Variants in PRICKLE4 observed in about 807,000 individuals in gnomAD.
PRICKLE4 encodes the protein prickle-like protein 4.
Under a neutral mutation model 43.5 loss-of-function variants are expected in PRICKLE4, and 40 were observed. The observed-to-expected ratio is 0.92, with a 90% CI of 0.71 to 1.20. PRICKLE4 has a LOEUF of 1.20. Among genes scored for constraint, PRICKLE4 ranks in the 50% most tolerant of loss-of-function variants. The pLI is 0.00. For synonymous variants in PRICKLE4, 208 were observed against 197.4 expected, an observed-to-expected ratio of 1.05 and a Z score of -0.45; for missense variants, 527 against 491.2, an observed-to-expected ratio of 1.07 and a Z score of -0.69.
At chr6:41,781,170 C>G (rs1020550509) in intron 1 of PRICKLE4, 180 bp from the exon 2 acceptor site, 2 of 152,622 alleles carry the variant, frequency 1.3e-5, no homozygotes, top group African/African-American at 4.8e-5. Context: ...AGCTCTGTCC[C>G]TTATCTGAGG....
At chr6:41,784,781 TTTTCCA>T in intron 4 of PRICKLE4, 148 bp from the exon 5 acceptor site, 3 of 1,022,730 alleles carry the variant, frequency 2.9e-6, no homozygotes, top group Non-Finnish European at 4.3e-6. Flanking sequence ...GCTCCTTTCC[TTTTCCA>T]TTTCCTCTTC....
chr6:41,781,840 C>A (rs1324303412), intron 2 of PRICKLE4, among the ~76,000 whole-genome samples: 2 of 152,160 alleles, frequency 1.3e-5, no homozygotes, highest in Non-Finnish European at 2.9e-5. Context: ...AAAGAGATTA[C>A]CTCATAAGAT....
At chr6:41,784,573 G>A (rs2127306398) in intron 4 of PRICKLE4, among the ~76,000 whole-genome samples, 1 of 152,306 alleles carries the variant, frequency 6.6e-6, no homozygotes, top group East Asian at 1.9e-4. Flanking sequence ...CAGCCTAAAG[G>A]CTTACAATTC....
At chr6:41,786,558 C>T (rs1248053179) in intron 7 of PRICKLE4, 3 of 1,054,478 alleles carry the variant, frequency 2.8e-6, no homozygotes, top group Non-Finnish European at 2.8e-6. Flanking sequence ...GTCGGGGTTG[C>T]GGCGCCAGAC....
intron 2 of PRICKLE4, among the ~76,000 whole-genome samples, chr6:41,783,069 G>A (rs1049844098): frequency 2.0e-5 from 3 of 152,202 alleles, no homozygotes; most frequent in East Asian, 3.9e-4. Flanking sequence ...GGGGCTGTGG[G>A]TGCATGGTGA....
In PRICKLE4 at chr6:41,786,048, G is replaced by A. The variant is rs1581979330; in HGVS notation, c.583-80G>A. 9.7e-6 allele frequency: 14 copies of A among 1,448,412 alleles called. No individual in the cohort carries two copies. In the East Asian group the frequency reaches 2.3e-4, roughly 24 times the overall value. The allele number at this position is 1,448,412 out of a possible 1,614,324, so 89.7% of individuals were successfully genotyped here. ...GTGCAGACGTGCTTTAGCGTTAACTGGGTAAAAGGCGTGGTTACTGGATGA... is the reference window on the plus strand; with the variant it reads ...GTGCAGACGTGCTTTAGCGTTAACTAGGTAAAAGGCGTGGTTACTGGATGA... On this transcript the variant is annotated intron_variant, in intron 6 of 7. Transcript: ENST00000458694.
Position 41,787,297 on chromosome 6 carries a change from T to C in PRICKLE4, c.*168T>C, listed in dbSNP as rs1772682406. 2 of 998,222 alleles carry C rather than the reference T, an allele frequency of 2.0e-6. No homozygotes were observed. The highest frequency in any genetic ancestry group is 6.1e-5 in the Admixed American group (2 of 32,952). 61.8% of individuals were successfully genotyped at this position (998,222 alleles called of 1,614,324 possible). On this transcript the variant is annotated 3_prime_UTR_variant, in exon 8 of 8. Transcript: ENST00000458694. ...GTGCGCCCCCTTCAGTACTGCGCGT[T>C]CTAAGACTTTTGGCGGAGACTTTCT...
chr6:41,785,380 C>A lies in PRICKLE4; in HGVS notation c.422C>A (p.Ala141Asp). 6.2e-7 allele frequency: 1 copy of A among 1,614,132 alleles called. No individual in the cohort carries two copies. Among genetic ancestry groups the A allele is most frequent in the African/African-American group, 1.3e-5 (1 of 75,066 alleles). ...CCAGGGGAGTACGGAGTGTTTGCAGCCCGGGCAGGGGAACAGCGCTGCTGG... is the reference window on the plus strand; with the variant it reads ...CCAGGGGAGTACGGAGTGTTTGCAGACCGGGCAGGGGAACAGCGCTGCTGG... ...LKPGEYGVFA[A>D]RAGEQRCWHQ... is the part of the protein sequence containing the mutation. Residue 141 changes from alanine to aspartate, a missense_variant, in exon 6 of 8, where the codon GCC (alanine) becomes GAC (aspartate). Ala to Asp is a moderately radical substitution (Grantham distance 126). Coordinates refer to ENST00000458694, the MANE Select transcript of PRICKLE4 (RefSeq NM_013397.6).
chr6:41,785,275 C>T, intron 5 of PRICKLE4, 62 bp from the exon 6 acceptor site: 1 of 1,565,728 alleles, frequency 6.4e-7, no homozygotes. Flanking sequence ...ATTGCAAGAG[C>T]AAGGAGGGAA....
chr6:41,784,726 T>G, intron 4 of PRICKLE4: 2 of 612,934 alleles, frequency 3.3e-6, no homozygotes, highest in Non-Finnish European at 5.6e-6. Flanking sequence ...ACCTGATTGA[T>G]GACATTCCTA....
rs764355214 is a variant in PRICKLE4 at position 41,786,304 on chromosome 6, C to T, written c.759C>T (p.Ala253=). 1.3e-6 allele frequency: 2 copies of T among 1,575,262 alleles called. No homozygotes were observed. The highest frequency in any genetic ancestry group is 2.3e-5 in the East Asian group (1 of 44,130). ...ACTCGGATGCAGGCTCGAGCTGGGC[C>T]GGGGCACTGGAAGGGCAGGCATTCC... ...NRYSDAGSSW[A]GALEGQAFLG... Residue 253 remains alanine (A), a synonymous_variant, in exon 7 of 8, where the codon GCC becomes GCT. Transcript: ENST00000458694.
chr6:41,782,452 C>G (rs543556387), intron 2 of PRICKLE4, among the ~76,000 whole-genome samples: 2 of 136,846 alleles, frequency 1.5e-5, no homozygotes, highest in Non-Finnish European at 3.1e-5. Flanking sequence ...TGCAGTGGCG[C>G]GATCTTGGCT....
At chr6:41,783,651 C>T (rs1384166668) in intron 3 of PRICKLE4, 46 bp downstream of exon 3, 3 of 1,613,898 alleles carry the variant, frequency 1.9e-6, no homozygotes, top group Non-Finnish European at 2.5e-6. Context: ...GTCCTCTATC[C>T]TGTGGAGTGG....
Position 41,785,076 on chromosome 6 carries a change from T to G in PRICKLE4, c.378+4T>G, listed in dbSNP as rs750454440. On this transcript the variant is annotated splice_donor_region_variant and intron_variant, in intron 5 of 7. Transcript: ENST00000458694. Reference sequence around the variant, plus strand: ...TGAAGGACACACCTGTGAGAAGGTATGTAGCACCCCTCCCCCCAAATTCCC... The same window carrying G: ...TGAAGGACACACCTGTGAGAAGGTAGGTAGCACCCCTCCCCCCAAATTCCC... 19 of 1,613,396 alleles carry G rather than the reference T, an allele frequency of 1.2e-5. No homozygotes were observed. In the African/African-American group the frequency reaches 2.1e-4, roughly 18 times the overall value.
Position 41,783,546 on chromosome 6 carries a change from A to G in PRICKLE4, c.73A>G (p.Asn25Asp). 6.2e-7 allele frequency: 1 copy of G among 1,612,566 alleles called. No homozygotes were observed. The highest frequency in any genetic ancestry group is 8.5e-7 in the Non-Finnish European group (1 of 1,179,166). Residue 25 changes from asparagine (N) to aspartate (D), a missense_variant, in exon 3 of 8, where the codon AAC (asparagine) becomes GAC (aspartate). By Grantham distance (23) the Asn-to-Asp change is conservative (BLOSUM62 1). Coordinates refer to ENST00000458694, the MANE Select transcript of PRICKLE4 (RefSeq NM_013397.6). ...PKPQDPGPPA[N>D]SDSDSGHLPG... ...GCCCCAGGATCCAGGTCCACCAGCC[A>G]ACTCAGACAGTGACTCAGGCCACCT...
chr6:41,783,535 G>A lies in PRICKLE4; in HGVS notation c.62G>A (p.Gly21Asp). ...QEDSPKPQDP[G>D]PPANSDSDSG... Reference sequence around the variant, plus strand: ...GACAGCCCCAAGCCCCAGGATCCAGGTCCACCAGCCAACTCAGACAGTGAC... The same window carrying A: ...GACAGCCCCAAGCCCCAGGATCCAGATCCACCAGCCAACTCAGACAGTGAC... Residue 21 changes from glycine (G) to aspartate (D), a missense_variant, in exon 3 of 8, where the codon GGT (glycine) becomes GAT (aspartate). Physicochemically the swap from Gly to Asp is moderately conservative, Grantham distance 94. Transcript: ENST00000458694. The A allele has an allele frequency of 6.2e-7, 1 of 1,609,364 alleles. No homozygotes were observed. Among genetic ancestry groups the A allele is most frequent in the Non-Finnish European group, 8.5e-7 (1 of 1,176,012 alleles).
rs565821007 is a variant in PRICKLE4 at position 41,783,682 on chromosome 6, G to A, written c.132+77G>A. ...AGTGGCCACCCTTTTCCACCAACCC[G>A]GAGGTAGTTTGACTTCGTGCCTAAT... On this transcript the variant is annotated intron_variant, in intron 3 of 7. Coordinates refer to ENST00000458694, the MANE Select transcript of PRICKLE4 (RefSeq NM_013397.6). The A allele has an allele frequency of 5.9e-5, 94 of 1,606,222 alleles. No individual in the cohort carries two copies. The South Asian group carries it at 7.5e-4, about 13-fold the overall frequency.
intron 6 of PRICKLE4, 24 bp from the exon 7 acceptor site, chr6:41,786,104 C>G (rs1561896634): frequency 6.2e-7 from 1 of 1,600,180 alleles, no homozygotes; most frequent in East Asian, 2.2e-5. Context: ...ATGAAACGTT[C>G]CCCTCTCCCT....
Position 41,781,350 on chromosome 6 carries a change from A to T in PRICKLE4, c.-183A>T, listed in dbSNP as rs1772550741. 4 of 152,940 alleles carry T rather than the reference A, an allele frequency of 2.6e-5. No homozygotes were observed. 9.5% of individuals were successfully genotyped at this position (152,940 alleles called of 1,614,324 possible). On this transcript the variant is annotated splice_region_variant and 5_prime_UTR_variant, in exon 2 of 8. Coordinates refer to ENST00000458694, the MANE Select transcript of PRICKLE4 (RefSeq NM_013397.6). Reference sequence around the variant, plus strand: ...TGTTGGACAATTCTATGCAAACTAGAGCCAAAATGGAAGAGGGTGCAAGTC... The same window carrying T: ...TGTTGGACAATTCTATGCAAACTAGTGCCAAAATGGAAGAGGGTGCAAGTC...
Sources: gnomAD v4.1 joint callset for allele counts (sites outside exome capture counted in the v4.1 genomes callset) on GRCh38, gnomAD v4.1.1 for gene constraint, MANE v1.5 for transcripts, NCBI Gene and HGNC (gene_info 2026-07-23, HGNC 2026-07-21) for gene names.